Variants in TIAM1 observed in about 807,000 individuals in gnomAD.
TIAM1 encodes the protein rho guanine nucleotide exchange factor TIAM1.
A neutral mutation model predicts 163.5 loss-of-function variants in TIAM1; 65 were observed. That is an observed-to-expected ratio of 0.40 (90% CI 0.33 to 0.49). TIAM1 has a LOEUF of 0.49. Among genes scored for constraint, TIAM1 ranks in the 20% least tolerant of loss-of-function variants. The probability of loss-of-function intolerance (pLI) is 0.77; values close to 1 mark genes in which losing one functional copy is unlikely to be tolerated. For missense variants in TIAM1, 1,789 were observed against 2,044.7 expected (o/e 0.87, Z 2.41); for synonymous variants, 833 against 810.1 (o/e 1.03, Z -0.48).
chr21:31,346,144 T>C (rs2147107954), upstream of TIAM1, among the ~76,000 whole-genome samples: 2 of 152,104 alleles, frequency 1.3e-5, no homozygotes, highest in Middle Eastern at 6.8e-3. Context: ...CTATCATGCA[T>C]ATAACAGGCC....
chr21:31,189,979 G>A (rs1033481210), intron 13 of TIAM1, among the ~76,000 whole-genome samples: 6 of 152,178 alleles, frequency 3.9e-5, no homozygotes, highest in Non-Finnish European at 7.4e-5. Context: ...CCAACAGGGG[G>A]CAGAGGGAAA....
At chr21:31,300,914 A>C (rs1027230574) in intron 2 of TIAM1, among the ~76,000 whole-genome samples, 4 of 152,218 alleles carry the variant, frequency 2.6e-5, no homozygotes, top group African/African-American at 7.2e-5. Context: ...ATCAAATTCC[A>C]GCTATCTCAT....
rs536163774 is a variant in TIAM1, at chr21:31,273,496, G to A, written c.-12+3236C>T. Among the ~76,000 whole-genome samples the A allele has an allele frequency of 2.6e-3, 389 of 152,202 alleles. 2 individuals carry two copies. The highest frequency in any genetic ancestry group is 4.7e-3 in the Non-Finnish European group (321 of 68,004). On this transcript the variant is annotated intron_variant, in intron 3 of 27. Coordinates refer to ENST00000541036, the MANE Select transcript of TIAM1 (RefSeq NM_001353694.2). ...ACTAACCCCTGAGTGGCACAAAAAC[G>A]GGACAAACTCAAAGCAGTATACCAA...
intron 13 of TIAM1, among the ~76,000 whole-genome samples, chr21:31,191,720 T>A (rs1284334849): frequency 2.0e-5 from 3 of 152,228 alleles, no homozygotes; most frequent in African/African-American, 7.2e-5. Flanking sequence ...TGACGCCTGG[T>A]GCCCTGTCAT....
At chr21:31,279,116 CA>C (rs993313861) in intron 2 of TIAM1, among the ~76,000 whole-genome samples, 2 of 150,342 alleles carry the variant, frequency 1.3e-5, no homozygotes, top group Admixed American at 6.6e-5. Context: ...AGTCCCTGAA[CA>C]AAAAAATATA....
chr21:31,432,984 C>T (rs1199854851), intron 2 of TIAM1, among the ~76,000 whole-genome samples: 3 of 152,208 alleles, frequency 2.0e-5, no homozygotes, highest in Middle Eastern at 3.4e-3. Flanking sequence ...AAAGAAATGC[C>T]AAATGAAACT....
rs146491432 is a variant in TIAM1, at chr21:31,509,829, C to G, written c.-421-45794G>C. Among the ~76,000 whole-genome samples, 174 of 152,292 alleles carry G rather than the reference C, an allele frequency of 1.1e-3. 2 individuals are homozygous for G. Among genetic ancestry groups the G allele is most frequent in the African/African-American group, 3.9e-3 (164 of 41,562 alleles). On this transcript the variant is annotated intron_variant, in intron 1 of 28. Transcript: ENST00000286827. ...CAGTTCTTTCTACCAGTAAATTCCA[C>G]GTGCCTGGAGAGCCGCAGAACTTCA...
intron 15 of TIAM1, among the ~76,000 whole-genome samples, chr21:31,175,636 T>C (rs1383821041): frequency 6.6e-6 from 1 of 152,186 alleles, no homozygotes; most frequent in Non-Finnish European, 1.5e-5. Flanking sequence ...TCTCCCTCTG[T>C]CGCCCAGGCT....
intron 16 of TIAM1, among the ~76,000 whole-genome samples, chr21:31,161,809 C>T (rs1356068754): frequency 2.6e-5 from 4 of 152,176 alleles, no homozygotes; most frequent in South Asian, 2.1e-4. Flanking sequence ...AGACAGCTAA[C>T]GATTGAAAAA....
Position 31,338,044 on chromosome 21 carries a change from G to A in TIAM1, c.-189+1199C>T, listed in dbSNP as rs567083589. Among the ~76,000 whole-genome samples, 5 of 152,214 alleles carry A rather than the reference G, an allele frequency of 3.3e-5. No individual in the cohort carries two copies. The South Asian group carries it at 1.0e-3, about 32-fold the overall frequency. On this transcript the variant is annotated intron_variant, in intron 2 of 27. Transcript: ENST00000541036. ...AGCAAGGGCTAACCCTGAGGAGGGT[G>A]CACATATTCCAGGTCAACCCGGAGG...
At chr21:31,275,192 G>GT (rs2073244053) in intron 3 of TIAM1, among the ~76,000 whole-genome samples, 1 of 151,570 alleles carries the variant, frequency 6.6e-6, no homozygotes, top group Non-Finnish European at 1.5e-5. Flanking sequence ...ATAAATCTGC[G>GT]TAAGAATTTT....
At chr21:31,437,502 C>CAAAAAAAAAAAAAAAA (rs778245444) in intron 2 of TIAM1, among the ~76,000 whole-genome samples, 33 of 106,454 alleles carry the variant, frequency 3.1e-4, no homozygotes, top group African/African-American at 3.5e-4. Flanking sequence ...GACCCTGTCT[C>CAAAAAAAAAAAAAAAA]AAAAAAAAAA....
At chr21:31,361,422 A>T (rs995916266) in intron 2 of TIAM1, among the ~76,000 whole-genome samples, 2 of 152,102 alleles carry the variant, frequency 1.3e-5, no homozygotes, top group Non-Finnish European at 2.9e-5. Context: ...ATTGTGATTG[A>T]GGATGGGAGG....
intron 23 of TIAM1, 132 bp downstream of exon 23, chr21:31,135,801 G>T: frequency 1.3e-6 from 1 of 790,994 alleles, no homozygotes; most frequent in Non-Finnish European, 2.1e-6. Flanking sequence ...TGGTGGCTAC[G>T]GCAGGAAGAC....
chr21:31,388,848 T>G (rs920812784), intron 2 of TIAM1, among the ~76,000 whole-genome samples: 5 of 152,174 alleles, frequency 3.3e-5, no homozygotes, highest in African/African-American at 4.8e-5. Flanking sequence ...GCATTACCTA[T>G]CACTATAATT....
chr21:31,416,027 T>A (rs2043359589), intron 2 of TIAM1, among the ~76,000 whole-genome samples: 1 of 152,216 alleles, frequency 6.6e-6, no homozygotes, highest in Non-Finnish European at 1.5e-5. Context: ...TCTTCCCTAA[T>A]GAGAAGCTTT....
At chr21:31,121,385 C>A (rs1283177554) in intron 27 of TIAM1, among the ~76,000 whole-genome samples, 1 of 152,172 alleles carries the variant, frequency 6.6e-6, no homozygotes, top group Admixed American at 6.5e-5. Context: ...GAGGCAGAAG[C>A]ACCAGTGTAA....
At chr21:31,473,374 G>A (rs8133211) in intron 1 of TIAM1, among the ~76,000 whole-genome samples, 45,101 of 142,878 alleles carry the variant, frequency 0.32, 7,135 homozygotes, top group South Asian at 0.35. Flanking sequence ...AGCTTGCAGT[G>A]AGCCGTGATC....
chr21:31,193,554 C>T (rs1271547624), intron 13 of TIAM1, among the ~76,000 whole-genome samples: 2 of 152,318 alleles, frequency 1.3e-5, no homozygotes, highest in East Asian at 3.9e-4. Flanking sequence ...AAGCTCACAC[C>T]TGGTTTCCCC....
Sources: allele counts gnomAD v4.1 joint callset (sites outside exome capture counted in the v4.1 genomes callset), GRCh38; gene constraint gnomAD v4.1.1; transcripts MANE v1.5; gene names NCBI Gene and HGNC (gene_info 2026-07-23, HGNC 2026-07-21).